BCAS3: variants seen among roughly 807,000 people sequenced by gnomAD.
BCAS3 encodes BCAS4/BCAS3 fusion.
Under a neutral mutation model 116.1 loss-of-function variants are expected in BCAS3, and 53 were observed. The observed-to-expected ratio is 0.46, with a 90% CI of 0.37 to 0.57. The LOEUF is 0.57. BCAS3 is among the 20% of genes least tolerant of loss of function. The pLI, the probability that BCAS3 is intolerant of heterozygous loss-of-function variation, is 0.00. For synonymous variants in BCAS3, 391 were observed against 408.2 expected (o/e 0.96, Z 0.51); for missense variants, 917 against 1,165.4 (o/e 0.79, Z 3.10).
intron 16 of BCAS3, among the ~76,000 whole-genome samples, chr17:61,031,902 T>A (rs1428558846): frequency 2.0e-5 from 3 of 152,156 alleles, no homozygotes; most frequent in Admixed American, 6.6e-5. Flanking sequence ...TAGGAGATAC[T>A]GAGCTTATGT....
chr17:61,092,985 A>G (rs1365417723), intron 22 of BCAS3, among the ~76,000 whole-genome samples: 1 of 143,496 alleles, frequency 7.0e-6, no homozygotes, highest in Non-Finnish European at 1.5e-5. Context: ...GGCTCACTGC[A>G]ACTTCCGTCT....
intron 4 of BCAS3, among the ~76,000 whole-genome samples, chr17:60,703,969 A>G (rs1598168271): frequency 6.6e-6 from 1 of 152,126 alleles, no homozygotes; most frequent in Middle Eastern, 3.4e-3. Flanking sequence ...TATAGACTCT[A>G]ATATGATTTG....
In BCAS3 at chr17:61,380,594, C is replaced by T. The variant is rs1341813083; in HGVS notation, c.2594-11383C>T. On this transcript the variant is annotated intron_variant, in intron 23 of 23. Transcript: ENST00000407086. The surrounding 1 kb of genome is among the most constrained non-coding windows in gnomAD (Gnocchi z 4.2). ...TTGGTATGTAACGTCCTATCTTTGCCTATGTGGAAGGGGTTGTCCCGTTGC... is the reference window on the plus strand; with the variant it reads ...TTGGTATGTAACGTCCTATCTTTGCTTATGTGGAAGGGGTTGTCCCGTTGC... The T allele has an allele frequency of 3.8e-6, 6 of 1,592,912 alleles. No individual in the cohort carries two copies. Among genetic ancestry groups the T allele is most frequent in the Non-Finnish European group, 5.1e-6 (6 of 1,175,224 alleles).
rs1356165237 is a variant in BCAS3, at chr17:61,088,204, C to T, written c.2425+3640C>T. 2.6e-5 allele frequency among the ~76,000 whole-genome samples: 4 copies of T among 151,982 alleles called. No individual in the cohort carries two copies. In the East Asian group the frequency reaches 7.7e-4, roughly 29 times the overall value. On this transcript the variant is annotated intron_variant, in intron 22 of 23. Coordinates refer to ENST00000407086, the MANE Select transcript of BCAS3 (RefSeq NM_017679.5). This position sits in a 1 kb window ranked among gnomAD's most constrained non-coding sequence, Gnocchi z 4.2. Reference sequence around the variant, plus strand: ...CTCAAAAAGACAAAACAAAACGAAACAAAACAAAAACCATCCTACCTAAAA... The same window carrying T: ...CTCAAAAAGACAAAACAAAACGAAATAAAACAAAAACCATCCTACCTAAAA...
At chr17:61,039,170 G>C (rs1184372883) in intron 18 of BCAS3, among the ~76,000 whole-genome samples, 1 of 152,078 alleles carries the variant, frequency 6.6e-6, no homozygotes, top group Non-Finnish European at 1.5e-5. Flanking sequence ...TTGCTACTCT[G>C]ATCATTTCAT....
chr17:61,244,481 T>C lies in BCAS3; in HGVS notation c.2426-123846T>C, dbSNP rs2047771797. On this transcript the variant is annotated intron_variant, in intron 22 of 23. Transcript: ENST00000407086. This position sits in a 1 kb window ranked among gnomAD's most constrained non-coding sequence, Gnocchi z 4.9. The stretch of plus-strand genomic sequence containing the variant: ...AACAAAAATATGTGTTACAAAAGAA[T>C]AACAATAGGTAAAATTCAGAGTATT... Among the ~76,000 whole-genome samples the C allele has an allele frequency of 6.6e-6, 1 of 152,206 alleles. No homozygotes were observed. The highest frequency in any genetic ancestry group is 1.5e-5 in the Non-Finnish European group (1 of 68,026).
In BCAS3 at chr17:61,141,047, C is replaced by T. The variant is rs2076891103; in HGVS notation, c.2425+56483C>T. On this transcript the variant is annotated intron_variant, in intron 22 of 23. Transcript: ENST00000407086. The surrounding 1 kb of genome is among the most constrained non-coding windows in gnomAD (Gnocchi z 4.3). ...CTTTTCATTATCATGTCTCTTTATC[C>T]TGATTCACCTGTACAGCGGGACTAG... 6.6e-6 allele frequency among the ~76,000 whole-genome samples: 1 copy of T among 151,958 alleles called. No homozygotes were observed. The highest frequency in any genetic ancestry group is 1.5e-5 in the Non-Finnish European group (1 of 67,994).
chr17:61,089,498 G>A (rs1377946874), intron 22 of BCAS3, among the ~76,000 whole-genome samples: 1 of 118,120 alleles, frequency 8.5e-6, no homozygotes, highest in Non-Finnish European at 1.7e-5. Context: ...TCTTCGAGAC[G>A]GAGTTTCACT....
At chr17:61,137,838 G>A (rs1462808837) in intron 22 of BCAS3, among the ~76,000 whole-genome samples, 1 of 152,236 alleles carries the variant, frequency 6.6e-6, no homozygotes, top group Non-Finnish European at 1.5e-5. Context: ...TGTGGACGGT[G>A]ATGGGTTTTT....
intron 22 of BCAS3, among the ~76,000 whole-genome samples, chr17:61,210,898 G>A (rs912007699): frequency 2.6e-5 from 4 of 152,086 alleles, no homozygotes; most frequent in Non-Finnish European, 5.9e-5. Context: ...GGAAACAAAG[G>A]CATGTATAAA....
chr17:60,904,436 C>CA (rs1054951036), intron 11 of BCAS3, among the ~76,000 whole-genome samples: 2 of 151,460 alleles, frequency 1.3e-5, no homozygotes, highest in Admixed American at 6.6e-5. Context: ...AACAAAACAA[C>CA]AAAAAAAATG....
chr17:60,695,504 G>A (rs780390323), intron 4 of BCAS3, among the ~76,000 whole-genome samples: 1 of 152,142 alleles, frequency 6.6e-6, no homozygotes, highest in Admixed American at 6.6e-5. Flanking sequence ...TAATGAACAT[G>A]GGTGTACAAA....
chr17:61,238,307 C>T (rs1313733212), intron 22 of BCAS3, among the ~76,000 whole-genome samples: 5 of 151,196 alleles, frequency 3.3e-5, no homozygotes, highest in Non-Finnish European at 2.9e-5. Flanking sequence ...ACTGCAACCT[C>T]CGCCTTCCAG....
chr17:60,911,559 A>G (rs552649838), intron 12 of BCAS3, among the ~76,000 whole-genome samples: 1 of 152,128 alleles, frequency 6.6e-6, no homozygotes, highest in Non-Finnish European at 1.5e-5. Context: ...TGGCCTCCCA[A>G]AGTGCTGGGA....
intron 2 of BCAS3, among the ~76,000 whole-genome samples, chr17:60,682,276 G>T (rs1240692214): frequency 6.6e-6 from 1 of 152,134 alleles, no homozygotes; most frequent in Admixed American, 6.6e-5. Flanking sequence ...TGGTATAAAG[G>T]TCTTGATTCA....
chr17:60,703,865 G>T (rs2036752404), intron 4 of BCAS3, among the ~76,000 whole-genome samples: 1 of 147,012 alleles, frequency 6.8e-6, no homozygotes, highest in Admixed American at 6.9e-5. Flanking sequence ...AGTGAGCCGA[G>T]ATCATGCCGC....
At chr17:61,318,171 C>CA (rs987404979) in intron 22 of BCAS3, among the ~76,000 whole-genome samples, 1 of 152,104 alleles carries the variant, frequency 6.6e-6, no homozygotes, top group Non-Finnish European at 1.5e-5. Flanking sequence ...TAGAACACAC[C>CA]AAAAAAGGAT....
rs1006603958 is a variant in BCAS3, at chr17:61,132,635, T to C, written c.2425+48071T>C. Among the ~76,000 whole-genome samples the C allele has an allele frequency of 2.0e-5, 3 of 152,228 alleles. No homozygotes were observed. On this transcript the variant is annotated intron_variant, in intron 22 of 23. Coordinates refer to ENST00000407086, the MANE Select transcript of BCAS3 (RefSeq NM_017679.5). The surrounding 1 kb of genome is among the most constrained non-coding windows in gnomAD (Gnocchi z 5.1). ...AGAGAGGGAGAAAGATAAAGTGCCT[T>C]GGAAGCCGTGAAACATTCTAGGGAG... is the stretch of plus-strand genomic sequence containing the variant.
intron 7 of BCAS3, among the ~76,000 whole-genome samples, chr17:60,815,833 TTTTC>T (rs1051917254): frequency 1.3e-5 from 2 of 152,216 alleles, no homozygotes; most frequent in African/African-American, 4.8e-5. Flanking sequence ...CTTGAGAATG[TTTTC>T]TTTATCTTGC....
Sources: allele counts gnomAD v4.1 joint callset (sites outside exome capture counted in the v4.1 genomes callset), GRCh38; gene constraint gnomAD v4.1.1; non-coding constraint Gnocchi (gnomAD v3.1); transcripts MANE v1.5; gene names NCBI Gene and HGNC (gene_info 2026-07-23, HGNC 2026-07-21).